The following NDUFA13 variants were observed in gnomAD, a reference collection of about 807,000 sequenced individuals.
NDUFA13 encodes the protein NADH dehydrogenase [ubiquinone] 1 alpha subcomplex subunit 13.
In NDUFA13, 16 loss-of-function variants were observed where a neutral mutation model predicts 17.0. The ratio of observed to expected loss-of-function variants is 0.94; its 90% CI spans 0.64 to 1.43. The LOEUF (loss-of-function observed/expected upper bound fraction) is 1.43. NDUFA13 is among the 40% of genes most tolerant of loss of function. The probability of loss-of-function intolerance (pLI) is 0.00; values close to 1 mark genes in which losing one functional copy is unlikely to be tolerated. For synonymous variants in NDUFA13, 87 were observed against 78.4 expected, an observed-to-expected ratio of 1.11 and a Z score of -0.58; for missense variants, 228 against 206.7, an observed-to-expected ratio of 1.10 and a Z score of -0.63.
chr19:19,528,174 C>G lies in NDUFA13; in HGVS notation c.*48C>G, dbSNP rs374053358. 6.2e-7 allele frequency: 1 copy of G among 1,607,572 alleles called. No homozygotes were observed. On this transcript the variant is annotated 3_prime_UTR_variant, in exon 5 of 5. Coordinates refer to ENST00000507754, the MANE Select transcript of NDUFA13 (RefSeq NM_015965.7). ...GGATCCCTGCCCCTCCCCACTGGGA[C>G]GGAATAAATGCTCTGCAGACCTGGC...
chr19:19,527,427 C>A, intron 3 of NDUFA13, 75 bp downstream of exon 3: 1 of 1,546,644 alleles, frequency 6.5e-7, no homozygotes, highest in Non-Finnish European at 8.9e-7. Context: ...CCTGCATCCC[C>A]GAAGGTGGCC....
chr19:19,526,476 G>C (rs1415302448), intron 2 of NDUFA13: 2 of 610,796 alleles, frequency 3.3e-6, no homozygotes, highest in Non-Finnish European at 6.0e-6. Context: ...CCAGCACTTT[G>C]GGAGGCCAAG....
chr19:19,521,232 A>G (rs1568358258), intron 1 of NDUFA13, among the ~76,000 whole-genome samples: 1 of 152,024 alleles, frequency 6.6e-6, no homozygotes, highest in African/African-American at 2.4e-5. Flanking sequence ...CCACCATCCT[A>G]GCGCATGTGA....
intron 1 of NDUFA13, among the ~76,000 whole-genome samples, chr19:19,522,817 A>G (rs1413469994): frequency 6.6e-6 from 1 of 152,038 alleles, no homozygotes; most frequent in Non-Finnish European, 1.5e-5. Flanking sequence ...TGGATGGTAT[A>G]AAGAAGGAAC....
At chr19:19,517,618 G>A (rs1390835682) in intron 1 of NDUFA13, among the ~76,000 whole-genome samples, 4 of 152,108 alleles carry the variant, frequency 2.6e-5, no homozygotes, top group African/African-American at 4.8e-5. Context: ...AATTAAAAAC[G>A]TAATAATTCA....
At chr19:19,518,729 ATTTTTTTTTTTTTTT>A (rs566386690) in intron 1 of NDUFA13, among the ~76,000 whole-genome samples, 15 of 34,126 alleles carry the variant, frequency 4.4e-4, no homozygotes, top group Non-Finnish European at 7.8e-4. Context: ...ATGCCCTGCG[ATTTTTTTTTTTTTTT>A]TTTTTTTTTT....
At chr19:19,525,585 C>T (rs894720603) in intron 1 of NDUFA13, among the ~76,000 whole-genome samples, 2 of 152,186 alleles carry the variant, frequency 1.3e-5, no homozygotes, top group African/African-American at 4.8e-5. Context: ...GAGCCAGATC[C>T]CAGACAGCCC....
At chr19:19,527,191 C>T (rs2061104721) in intron 2 of NDUFA13, 90 bp from the exon 3 acceptor site, 2 of 1,423,974 alleles carry the variant, frequency 1.4e-6, no homozygotes, top group Non-Finnish European at 9.8e-7. Context: ...CCTCTTCCCC[C>T]AGCAGCACCC....
At chr19:19,516,729 G>T (rs1391852828) in intron 1 of NDUFA13, among the ~76,000 whole-genome samples, 1 of 152,228 alleles carries the variant, frequency 6.6e-6, no homozygotes, top group Middle Eastern at 3.2e-3. Context: ...TCTATGCAGT[G>T]GTTCCCTGCT....
intron 1 of NDUFA13, among the ~76,000 whole-genome samples, chr19:19,519,416 G>T (rs1193685436): frequency 2.0e-5 from 3 of 152,170 alleles, no homozygotes; most frequent in Non-Finnish European, 4.4e-5. Flanking sequence ...CCCTGTGCCA[G>T]ACAGTGCCCT....
intron 1 of NDUFA13, among the ~76,000 whole-genome samples, chr19:19,522,446 A>G (rs942849251): frequency 7.0e-6 from 1 of 142,116 alleles, no homozygotes; most frequent in Admixed American, 7.1e-5. Context: ...AGAGTATTAT[A>G]GTTTCAGCTC....
chr19:19,525,774 G>C (rs1231360497), intron 1 of NDUFA13, among the ~76,000 whole-genome samples: 1 of 152,126 alleles, frequency 6.6e-6, no homozygotes, highest in Non-Finnish European at 1.5e-5. Context: ...GGGGGTGGCT[G>C]GGCAGCCCCC....
intron 2 of NDUFA13, 95 bp from the exon 3 acceptor site, chr19:19,527,168 CCGCCCCCCTCCGCCTCTT>C: frequency 9.4e-7 from 1 of 1,067,004 alleles, no homozygotes; most frequent in Admixed American, 2.0e-5. Context: ...GCCTGCCTCC[CCGCCCCCCTCCGCCTCTT>C]CCCCCAGCAG....
In NDUFA13 at chr19:19,527,310, G is replaced by A. The variant is rs761410929; in HGVS notation, c.203G>A (p.Arg68His). ...RRLQIEDFEA[R>H]IALLPLLQAE... ...CTACAAATCGAGGACTTCGAGGCTC[G>A]CATCGCGCTGTTGCCACTGTTACAG... Residue 68 changes from arginine (R) to histidine (H), a missense_variant, in exon 3 of 5, where the codon CGC becomes CAC. Arg to His is a conservative substitution (Grantham distance 29). Transcript: ENST00000507754. The A allele has an allele frequency of 8.7e-6, 14 of 1,613,928 alleles. No homozygotes were observed. Among genetic ancestry groups the A allele is most frequent in the South Asian group, 1.1e-5 (1 of 91,084 alleles).
At chr19:19,516,387 C>T in intron 1 of NDUFA13, 55 bp downstream of exon 1, 1 of 1,538,580 alleles carries the variant, frequency 6.5e-7, no homozygotes, top group Non-Finnish European at 8.9e-7. Flanking sequence ...GGCTCGGGGG[C>T]GGGGTTCCGG....
intron 1 of NDUFA13, among the ~76,000 whole-genome samples, chr19:19,525,471 G>A (rs2061095757): frequency 2.0e-5 from 3 of 152,224 alleles, no homozygotes; most frequent in Admixed American, 6.5e-5. Flanking sequence ...GGTGTTGACT[G>A]GAGCCTGGCC....
At chr19:19,525,248 C>A (rs546508516) in intron 1 of NDUFA13, among the ~76,000 whole-genome samples, 1 of 152,322 alleles carries the variant, frequency 6.6e-6, no homozygotes, top group African/African-American at 2.4e-5. Context: ...GTTAAATAAC[C>A]AGGTACAAAT....
At chr19:19,521,430 C>G (rs554025672) in intron 1 of NDUFA13, among the ~76,000 whole-genome samples, 58 of 152,360 alleles carry the variant, frequency 3.8e-4, no homozygotes, top group African/African-American at 8.2e-4. Context: ...GTTTCCCAGG[C>G]TGGTGTCGAA....
chr19:19,519,971 C>CTTTTTTTTTTTT, intron 1 of NDUFA13, among the ~76,000 whole-genome samples: 1 of 120,270 alleles, frequency 8.3e-6, no homozygotes, highest in Non-Finnish European at 1.7e-5. Flanking sequence ...TTTTTGTTCT[C>CTTTTTTTTTTTT]TTTTTTTTTT....
Sources: allele counts gnomAD v4.1 joint callset (sites outside exome capture counted in the v4.1 genomes callset), GRCh38; gene constraint gnomAD v4.1.1; transcripts MANE v1.5; gene names NCBI Gene and HGNC (gene_info 2026-07-23, HGNC 2026-07-21).